Variants in DGCR8 observed in about 807,000 individuals in gnomAD.
The protein encoded by DGCR8 is DGCR8 microprocessor complex subunit.
In DGCR8, 14 loss-of-function variants were observed where a neutral mutation model predicts 78.5. The observed-to-expected ratio is 0.18, with a 90% confidence interval of 0.12 to 0.28. The LOEUF is 0.28. DGCR8 is among the 10% of genes least tolerant of loss of function. The pLI is 1.00. For missense variants in DGCR8, 702 were observed against 1,022.5 expected, an observed-to-expected ratio of 0.69 and a Z score of 4.28; for synonymous variants, 399 against 402.4, an observed-to-expected ratio of 0.99 and a Z score of 0.10.
At chr22:20,107,105 T>C (rs2049779949) in intron 11 of DGCR8, 166 bp from the exon 12 acceptor site, 1 of 708,410 alleles carries the variant, frequency 1.4e-6, no homozygotes, top group South Asian at 1.7e-5. Context: ...AGCTGGGTAC[T>C]GTGAGACTCA....
At chr22:20,090,989 G>C (rs746116253) in intron 5 of DGCR8, among the ~76,000 whole-genome samples, 1 of 152,112 alleles carries the variant, frequency 6.6e-6, no homozygotes, top group African/African-American at 2.4e-5. Flanking sequence ...TGACAAATGC[G>C]AGGCCCTGTG....
intron 9 of DGCR8, among the ~76,000 whole-genome samples, chr22:20,098,783 C>T (rs990155905): frequency 6.6e-6 from 1 of 152,128 alleles, no homozygotes; most frequent in African/African-American, 2.4e-5. Context: ...TCCACATTGC[C>T]CATTTGATAG....
chr22:20,101,565 G>A (rs1251348732), intron 9 of DGCR8: 6 of 980,754 alleles, frequency 6.1e-6, no homozygotes, highest in Admixed American at 6.3e-5. Context: ...GCGACGGAGC[G>A]AGAATATGTC....
At chr22:20,095,162 A>G (rs2049613629) in intron 9 of DGCR8, among the ~76,000 whole-genome samples, 1 of 152,116 alleles carries the variant, frequency 6.6e-6, no homozygotes, top group Non-Finnish European at 1.5e-5. Flanking sequence ...AGGCAGTGAC[A>G]GAGTTTGATC....
At position 20,106,793 on chromosome 22, in the gene DGCR8, G is replaced by T. The variant is rs541709124; in HGVS notation, c.1996+95G>T. On this transcript the variant is annotated intron_variant, in intron 11 of 13. Coordinates refer to ENST00000351989, the MANE Select transcript of DGCR8 (RefSeq NM_022720.7). ...TGGCTTGGTCTCAGCTGTTGCCCTGGCATTGTCCCTGAGCCCAGCTGTGTG... is the reference window on the plus strand; with the variant it reads ...TGGCTTGGTCTCAGCTGTTGCCCTGTCATTGTCCCTGAGCCCAGCTGTGTG... 405 of 877,662 alleles carry T rather than the reference G, an allele frequency of 4.6e-4. No homozygotes were observed. In the African/African-American group the frequency reaches 6.2e-3, roughly 13 times the overall value. 54.4% of individuals were successfully genotyped at this position (877,662 alleles called of 1,614,324 possible).
intron 7 of DGCR8, 101 bp from the exon 8 acceptor site, chr22:20,092,708 A>G (rs1004557488): frequency 2.0e-6 from 2 of 997,930 alleles, no homozygotes; most frequent in Non-Finnish European, 3.1e-6. Flanking sequence ...CTCTGCAGGG[A>G]CAGCCCCTGA....
At chr22:20,094,616 C>A in intron 8 of DGCR8, 97 bp from the exon 9 acceptor site, 1 of 1,105,582 alleles carries the variant, frequency 9.0e-7, no homozygotes, top group South Asian at 1.3e-5. Flanking sequence ...AGCCTCTGAG[C>A]TGTGGGGATG....
chr22:20,096,518 T>C (rs922245609), intron 9 of DGCR8: 5 of 978,032 alleles, frequency 5.1e-6, no homozygotes, highest in Admixed American at 6.2e-5. Flanking sequence ...ATTTATATAA[T>C]AGCTTTATTG....
intron 9 of DGCR8, among the ~76,000 whole-genome samples, chr22:20,097,619 C>T (rs1043699470): frequency 1.3e-5 from 2 of 151,994 alleles, no homozygotes; most frequent in African/African-American, 4.8e-5. Context: ...CTCTGAGGCT[C>T]TGTTGTTTCT....
chr22:20,081,404 C>T (rs773369527), intron 1 of DGCR8, among the ~76,000 whole-genome samples: 4 of 152,188 alleles, frequency 2.6e-5, no homozygotes, highest in African/African-American at 4.8e-5. Flanking sequence ...CGTTCCTGTC[C>T]GATAGTCCTG....
chr22:20,087,044 A>C lies in DGCR8; in HGVS notation c.721-118A>C. On this transcript the variant is annotated intron_variant, in intron 2 of 13. Coordinates refer to ENST00000351989, the MANE Select transcript of DGCR8 (RefSeq NM_022720.7). The surrounding 1 kb of genome is among the most constrained non-coding windows in gnomAD (Gnocchi z 4.1). ...AGATGATCATGCACCCTAAGGGCAC[A>C]TCTAGGCCCCCTGAGAGCACCTCCT... The C allele has an allele frequency of 7.4e-7, 1 of 1,357,522 alleles. No homozygotes were observed. Among genetic ancestry groups the C allele is most frequent in the Non-Finnish European group, 1.0e-6 (1 of 993,880 alleles). The allele number at this position is 1,357,522 out of a possible 1,614,324, so 84.1% of individuals were successfully genotyped here.
Position 20,111,364 on chromosome 22 carries a change from C to CT in DGCR8, c.*1270dup, listed in dbSNP as rs375425509. The stretch of plus-strand genomic sequence containing the variant: ...CCCCCTACAGGCGGTACTGATGGCG[C>CT]TTTTTTTTTTTTTTCTGTCAGGAAA... On this transcript the variant is annotated 3_prime_UTR_variant, in exon 14 of 14. Coordinates refer to ENST00000351989, the MANE Select transcript of DGCR8 (RefSeq NM_022720.7). The CT allele has an allele frequency of 0.049, 17,347 of 355,490 alleles. 24 individuals are homozygous for CT. Among genetic ancestry groups the CT allele is most frequent in the East Asian group, 0.071 (1,721 of 24,162 alleles). The allele number at this position is 355,490 out of a possible 1,614,324, so 22.0% of individuals were successfully genotyped here. A position where few individuals can be genotyped will look rare whatever the true frequency, so the allele number is the denominator to read the frequency against.
chr22:20,106,446 G>T, intron 10 of DGCR8, 146 bp from the exon 11 acceptor site: 5 of 808,250 alleles, frequency 6.2e-6, no homozygotes, highest in Non-Finnish European at 1.0e-5. Context: ...CCTGAATCGG[G>T]CGTGTGGAGA....
chr22:20,080,447 C>G, intron 1 of DGCR8, 64 bp downstream of exon 1: 2 of 979,690 alleles, frequency 2.0e-6, no homozygotes, highest in Non-Finnish European at 2.4e-6. Flanking sequence ...TGCGCGAGGG[C>G]GCGCCCTTCC....
In DGCR8 at chr22:20,086,781, A is replaced by AC; in HGVS notation, c.720+98_720+99insC. On this transcript the variant is annotated intron_variant, in intron 2 of 13. Transcript: ENST00000351989. The surrounding 1 kb of genome is among the most constrained non-coding windows in gnomAD (Gnocchi z 6.4). Reference sequence around the variant, plus strand: ...TTGAAAGCAGGGAAATTAAAAAAAAAAAAAACAAAAACCAAAATCCCCTCT... The same window carrying AC: ...TTGAAAGCAGGGAAATTAAAAAAAAACAAAAACAAAAACCAAAATCCCCTCT... 2 of 1,422,316 alleles carry AC rather than the reference A, an allele frequency of 1.4e-6. No homozygotes were observed. The highest frequency in any genetic ancestry group is 1.4e-5 in the South Asian group (1 of 71,006). 88.1% of individuals were successfully genotyped at this position (1,422,316 alleles called of 1,614,324 possible).
intron 3 of DGCR8, among the ~76,000 whole-genome samples, chr22:20,088,605 C>T (rs980248528): frequency 1.3e-5 from 2 of 148,332 alleles, no homozygotes; most frequent in African/African-American, 5.3e-5. Context: ...TGGCCTGACT[C>T]TGTGGGGAGA....
rs914929955 is a variant in DGCR8 at position 20,111,570 on chromosome 22, C to G, written c.*1462C>G. 1.0e-5 allele frequency: 4 copies of G among 397,350 alleles called. No homozygotes were observed. Among genetic ancestry groups the G allele is most frequent in the Admixed American group, 8.8e-5 (2 of 22,686 alleles). The allele number at this position is 397,350 out of a possible 1,614,324, so 24.6% of individuals were successfully genotyped here. A position where few individuals can be genotyped will look rare whatever the true frequency, so the allele number is the denominator to read the frequency against. Reference sequence around the variant, plus strand: ...TAGTCATTTGACTGTGACTGTTGCCCTTAGCCAGCCAGATGCGCCTGTGAA... The same window carrying G: ...TAGTCATTTGACTGTGACTGTTGCCGTTAGCCAGCCAGATGCGCCTGTGAA... On this transcript the variant is annotated 3_prime_UTR_variant, in exon 14 of 14. Transcript: ENST00000351989.
At chr22:20,096,719 C>A (rs993530518) in intron 9 of DGCR8, among the ~76,000 whole-genome samples, 2 of 152,214 alleles carry the variant, frequency 1.3e-5, no homozygotes, top group Non-Finnish European at 2.9e-5. Context: ...CTTTCTGTCT[C>A]TATATATCTG....
rs537966483 is a variant in DGCR8, at chr22:20,085,137, G to A, written c.-277-550G>A. The A allele has an allele frequency of 2.7e-6, 2 of 740,756 alleles. No homozygotes were observed. Among genetic ancestry groups the A allele is most frequent in the Non-Finnish European group, 3.3e-6 (2 of 606,458 alleles). 45.9% of individuals were successfully genotyped at this position (740,756 alleles called of 1,614,324 possible). A position where few individuals can be genotyped will look rare whatever the true frequency, so the allele number is the denominator to read the frequency against. On this transcript the variant is annotated intron_variant, in intron 1 of 13. Transcript: ENST00000351989. The surrounding 1 kb of genome is among the most constrained non-coding windows in gnomAD (Gnocchi z 6.2). ...ACGCTGCATCACTGTCCCCGTCCACGTGCTACCCTGTGGGCCCAGGAGAGC... is the reference window on the plus strand; with the variant it reads ...ACGCTGCATCACTGTCCCCGTCCACATGCTACCCTGTGGGCCCAGGAGAGC...
Sources: gnomAD v4.1 joint callset for allele counts (sites outside exome capture counted in the v4.1 genomes callset) on GRCh38, gnomAD v4.1.1 for gene constraint, Gnocchi (gnomAD v3.1) non-coding constraint, MANE v1.5 for transcripts, NCBI Gene and HGNC (gene_info 2026-07-23, HGNC 2026-07-21) for gene names.